The following PCDHGA5 variants were observed in gnomAD, a reference collection of about 807,000 sequenced individuals.
The protein encoded by PCDHGA5 is protocadherin gamma-A5.
Under a neutral mutation model 56.7 loss-of-function variants are expected in PCDHGA5, and 36 were observed. The observed-to-expected ratio is 0.64, with a 90% CI of 0.49 to 0.84. The LOEUF is 0.84. Ranked by LOEUF, PCDHGA5 falls within the 40% of genes least tolerant of loss-of-function variation. PCDHGA5 has a pLI of 0.00. For missense variants in PCDHGA5, 1,305 were observed against 1,201.5 expected (o/e 1.09, Z -1.27); for synonymous variants, 563 against 520.2 (o/e 1.08, Z -1.12).
intron 2 of PCDHGA5, among the ~76,000 whole-genome samples, chr5:141,496,419 C>T (rs1292183963): frequency 6.6e-6 from 1 of 152,174 alleles, no homozygotes; most frequent in Non-Finnish European, 1.5e-5. Flanking sequence ...TACTTGCTGT[C>T]CACATTTGCC....
chr5:141,485,177 C>T lies in PCDHGA5; in HGVS notation c.2422-9630C>T. ...AGAGAATTAGCGGGCGGCAGCAATG[C>T]TCCGCAAGGTGAGAAGCTGGACAGA... On this transcript the variant is annotated intron_variant, in intron 1 of 3. Coordinates refer to ENST00000518069, the MANE Select transcript of PCDHGA5 (RefSeq NM_018918.3). This position sits in a 1 kb window ranked among gnomAD's most constrained non-coding sequence, Gnocchi z 5.7. 1 of 1,612,024 alleles carries T rather than the reference C, an allele frequency of 6.2e-7. No homozygotes were observed. Among genetic ancestry groups the T allele is most frequent in the South Asian group, 1.1e-5 (1 of 90,956 alleles).
intron 1 of PCDHGA5, among the ~76,000 whole-genome samples, chr5:141,462,029 G>A (rs535977332): frequency 6.6e-6 from 1 of 152,260 alleles, no homozygotes; most frequent in East Asian, 1.9e-4. Context: ...CTTCATGTTG[G>A]TCAGGCGGGT....
rs773484841 is a variant in PCDHGA5 at position 141,432,092 on chromosome 5, A to G, written c.2422-62715A>G. 4.3e-6 allele frequency: 7 copies of G among 1,614,104 alleles called. No individual in the cohort carries two copies. The East Asian group carries it at 1.6e-4, about 36-fold the overall frequency. On this transcript the variant is annotated intron_variant, in intron 1 of 3. Transcript: ENST00000518069. The surrounding 1 kb of genome is among the most constrained non-coding windows in gnomAD (Gnocchi z 6.0). Reference sequence around the variant, plus strand: ...TCATATCTCGCTGAACGTGGCAGACACCAACGACAACCCGCCGGTCTTCCC... The same window carrying G: ...TCATATCTCGCTGAACGTGGCAGACGCCAACGACAACCCGCCGGTCTTCCC...
chr5:141,366,064 G>A lies in PCDHGA5; in HGVS notation c.1734G>A (p.Ala578=), dbSNP rs761173450. The change falls in exon 1 of 4, where the codon GCG becomes GCA. Residue 578 remains alanine (A), a synonymous_variant. Transcript: ENST00000518069. ...ACGGTTCCACGGGCGTGGAGCTGGCGCCTCGCTCCGCAGAACCTGGCTACC... is the reference window on the plus strand; with the variant it reads ...ACGGTTCCACGGGCGTGGAGCTGGCACCTCGCTCCGCAGAACCTGGCTACC... The part of the protein sequence containing the change: ...PTDGSTGVEL[A]PRSAEPGYLV... 2.5e-6 allele frequency: 4 copies of A among 1,614,106 alleles called. No homozygotes were observed. Among genetic ancestry groups the A allele is most frequent in the African/African-American group, 1.3e-5 (1 of 74,950 alleles).
intron 1 of PCDHGA5, among the ~76,000 whole-genome samples, chr5:141,381,826 CTTTTTTTTT>C (rs770630741): frequency 5.4e-5 from 4 of 74,286 alleles, no homozygotes; most frequent in African/African-American, 2.5e-4. Flanking sequence ...CTTTCTTCTT[CTTTTTTTTT>C]TTTTTTTTTT....
In PCDHGA5 at chr5:141,431,964, A is replaced by G; in HGVS notation, c.2422-62843A>G. On this transcript the variant is annotated intron_variant, in intron 1 of 3. Coordinates refer to ENST00000518069, the MANE Select transcript of PCDHGA5 (RefSeq NM_018918.3). The surrounding 1 kb of genome is among the most constrained non-coding windows in gnomAD (Gnocchi z 4.8). Reference sequence around the variant, plus strand: ...TTAGAAAAATCTTACGGAAATTACTATAGTTTAGTCACAGACATAGTCTTG... The same window carrying G: ...TTAGAAAAATCTTACGGAAATTACTGTAGTTTAGTCACAGACATAGTCTTG... 2.5e-6 allele frequency: 4 copies of G among 1,614,218 alleles called. No individual in the cohort carries two copies. The highest frequency in any genetic ancestry group is 2.5e-6 in the Non-Finnish European group (3 of 1,180,028).
At chr5:141,492,091 C>A (rs930375969) in intron 1 of PCDHGA5, among the ~76,000 whole-genome samples, 1 of 152,242 alleles carries the variant, frequency 6.6e-6, no homozygotes, top group South Asian at 2.1e-4. Flanking sequence ...CACGCTTCGC[C>A]GGTCTGTAGA....
Position 141,404,625 on chromosome 5 carries a change from A to G in PCDHGA5, c.2421+37874A>G, listed in dbSNP as rs375300806. The G allele has an allele frequency of 9.0e-5, 146 of 1,614,036 alleles. No homozygotes were observed. The highest frequency in any genetic ancestry group is 5.1e-4 in the South Asian group (46 of 91,078). On this transcript the variant is annotated intron_variant, in intron 1 of 3. Transcript: ENST00000518069. ...CTGTTTGTTTTGGACCAGAATGACA[A>G]TGCCCCAGAAATCCTGTACCCTGCC...
At chr5:141,504,203 A>G (rs2099836487) in intron 2 of PCDHGA5, among the ~76,000 whole-genome samples, 1 of 152,248 alleles carries the variant, frequency 6.6e-6, no homozygotes, top group Non-Finnish European at 1.5e-5. Context: ...TCACTGTGGG[A>G]AAATTCCAAG....
At chr5:141,463,034 G>A (rs2099051345) in intron 1 of PCDHGA5, among the ~76,000 whole-genome samples, 2 of 152,112 alleles carry the variant, frequency 1.3e-5, no homozygotes, top group African/African-American at 4.8e-5. Flanking sequence ...ATTAATCTGA[G>A]TGTTCAGCAG....
intron 1 of PCDHGA5, among the ~76,000 whole-genome samples, chr5:141,459,619 A>G (rs995987344): frequency 6.6e-6 from 1 of 152,238 alleles, no homozygotes; most frequent in Non-Finnish European, 1.5e-5. Context: ...TTAACTTTAT[A>G]AGAAGCTGCC....
In PCDHGA5 at chr5:141,503,993, C is replaced by T. The variant is rs376134059; in HGVS notation, c.2481-1400C>T. Reference sequence around the variant, plus strand: ...GTGCCAAACCCTTCTTCTTACCTTACAGTCACTTAACTGTCTCTGCTGGTC... The same window carrying T: ...GTGCCAAACCCTTCTTCTTACCTTATAGTCACTTAACTGTCTCTGCTGGTC... On this transcript the variant is annotated intron_variant, in intron 2 of 3. Transcript: ENST00000518069. Among the ~76,000 whole-genome samples, 13 of 152,312 alleles carry T rather than the reference C, an allele frequency of 8.5e-5. 1 individual carries two copies. In the East Asian group the frequency reaches 1.7e-3, roughly 20 times the overall value.
intron 1 of PCDHGA5, chr5:141,410,354 T>C (rs2095384532): frequency 3.7e-6 from 6 of 1,614,048 alleles, no homozygotes; most frequent in Non-Finnish European, 5.1e-6. Context: ...CCTGCGACGC[T>C]CTCTCAGCCC....
At chr5:141,372,238 G>C in intron 1 of PCDHGA5, 4 of 1,613,300 alleles carry the variant, frequency 2.5e-6, no homozygotes, top group Non-Finnish European at 3.4e-6. Flanking sequence ...AGCGAGCCCG[G>C]GCTGTTCAGC....
chr5:141,386,000 AT>A (rs1420495491), intron 1 of PCDHGA5: 3 of 152,258 alleles, frequency 2.0e-5, no homozygotes, highest in Admixed American at 6.5e-5. Flanking sequence ...ATAAAATGTC[AT>A]TTTAAGTGTT....
At chr5:141,376,494 C>G (rs1343101587) in intron 1 of PCDHGA5, 12 of 1,614,004 alleles carry the variant, frequency 7.4e-6, no homozygotes, top group Non-Finnish European at 1.0e-5. Context: ...AAAGGAGAAC[C>G]CAGGCAACTT....
rs1763216193 is a variant in PCDHGA5, at chr5:141,364,204, A to G, written c.-127A>G. The G allele has an allele frequency of 8.7e-7, 1 of 1,155,836 alleles. No individual in the cohort carries two copies. Among genetic ancestry groups the G allele is most frequent in the Non-Finnish European group, 1.2e-6 (1 of 841,734 alleles). 71.6% of individuals were successfully genotyped at this position (1,155,836 alleles called of 1,614,324 possible). The stretch of plus-strand genomic sequence containing the variant: ...TCCATACTAAACACACAGACCAGAC[A>G]AGCTCCTACGAAAAGCCAACGCTCC... On this transcript the variant is annotated 5_prime_UTR_variant, in exon 1 of 4. Coordinates refer to ENST00000518069, the MANE Select transcript of PCDHGA5 (RefSeq NM_018918.3).
At chr5:141,488,236 T>G (rs1333427955) in intron 1 of PCDHGA5, among the ~76,000 whole-genome samples, 2 of 152,154 alleles carry the variant, frequency 1.3e-5, no homozygotes, top group Non-Finnish European at 2.9e-5. Context: ...TTGAACTAGA[T>G]GCGGTAAATT....
At chr5:141,473,002 GAA>G (rs2099311273) in intron 1 of PCDHGA5, among the ~76,000 whole-genome samples, 1 of 143,872 alleles carries the variant, frequency 7.0e-6, no homozygotes, top group East Asian at 2.0e-4. Flanking sequence ...AAAAAAGAAA[GAA>G]AAAGAAAAAG....
Sources: gnomAD v4.1 joint callset for allele counts (sites outside exome capture counted in the v4.1 genomes callset) on GRCh38, gnomAD v4.1.1 for gene constraint, Gnocchi (gnomAD v3.1) non-coding constraint, MANE v1.5 for transcripts, NCBI Gene and HGNC (gene_info 2026-07-23, HGNC 2026-07-21) for gene names.